Variants in LRRC7 observed in about 807,000 individuals in gnomAD.
LRRC7 encodes leucine rich repeat containing 7.
Under a neutral mutation model 175.7 loss-of-function variants are expected in LRRC7, and 23 were observed. The observed-to-expected ratio is 0.13, with a 90% CI of 0.09 to 0.19. The LOEUF is 0.19. LRRC7 is among the 10% of genes least tolerant of loss of function. LRRC7 has a pLI of 1.00. For missense variants in LRRC7, 1,354 were observed against 1,904.7 expected (o/e 0.71, Z 5.38); for synonymous variants, 685 against 680.9 (o/e 1.01, Z -0.09).
chr1:69,573,393 A>G (rs1426003280), intron 1 of LRRC7, among the ~76,000 whole-genome samples: 1 of 152,210 alleles, frequency 6.6e-6, no homozygotes, highest in Non-Finnish European at 1.5e-5. Flanking sequence ...TGAAAGCTGT[A>G]TATTTGGTGA....
At chr1:69,587,413 A>G (rs116102470) in intron 1 of LRRC7, among the ~76,000 whole-genome samples, 1,619 of 152,062 alleles carry the variant, frequency 0.011, 30 homozygotes, top group African/African-American at 0.035. Context: ...TCTTCCTTCA[A>G]TCTCACCTCT....
chr1:70,023,208 C>T lies in LRRC7; in HGVS notation c.1628C>T (p.Thr543Ile), dbSNP rs747630247. The T allele has an allele frequency of 6.2e-7, 1 of 1,604,644 alleles. No individual in the cohort carries two copies. The highest frequency in any genetic ancestry group is 8.5e-7 in the Non-Finnish European group (1 of 1,174,348). ...GCCAGACTGTCTGGCGATTGCTGCACACCATGGGCCAGGTGTGATCAGCAG... is the reference window on the plus strand; with the variant it reads ...GCCAGACTGTCTGGCGATTGCTGCATACCATGGGCCAGGTGTGATCAGCAG... ...QPARLSGDCC[T>I]PWARCDQQIQ... Residue 543 changes from threonine (T) to isoleucine (I), a missense_variant, in exon 17 of 27, where the codon ACA (threonine) becomes ATA (isoleucine). Physicochemically the swap from Thr to Ile is moderately conservative, Grantham distance 89. Around this residue, in one of 4 missense-constraint regions of LRRC7, gnomAD observed 1,032 missense variants for 1,227.2 expected, o/e 0.84. Coordinates refer to ENST00000651989, the MANE Select transcript of LRRC7 (RefSeq NM_001370785.2).
chr1:70,070,058 A>T (rs1662266698), intron 23 of LRRC7, among the ~76,000 whole-genome samples: 1 of 152,074 alleles, frequency 6.6e-6, no homozygotes, highest in South Asian at 2.1e-4. Context: ...CAGTGATGTG[A>T]TCAGAGCTCA....
At chr1:69,817,935 G>A (rs6697333) in intron 4 of LRRC7, among the ~76,000 whole-genome samples, 57,195 of 151,844 alleles carry the variant, frequency 0.38, 12,606 homozygotes, top group East Asian at 0.54. Context: ...GTGAGTGTAT[G>A]GAAACAAAAT....
chr1:69,600,161 C>T (rs1235423399), intron 1 of LRRC7, among the ~76,000 whole-genome samples: 1 of 152,192 alleles, frequency 6.6e-6, no homozygotes, highest in African/African-American at 2.4e-5. Flanking sequence ...TATAACCCTA[C>T]ACCCAATTTC....
At chr1:70,029,570 A>G (rs10493465) in intron 18 of LRRC7, among the ~76,000 whole-genome samples, 14,003 of 152,204 alleles carry the variant, frequency 0.092, 667 homozygotes, top group South Asian at 0.13. Flanking sequence ...CCTTTCCAAA[A>G]TATTATGCAC....
chr1:69,772,791 A>G (rs571001889), intron 3 of LRRC7, among the ~76,000 whole-genome samples: 28 of 152,228 alleles, frequency 1.8e-4, no homozygotes, highest in Non-Finnish European at 3.8e-4. Flanking sequence ...AAGAGTTGCT[A>G]TTGATAGAGG....
At chr1:69,995,137 G>A (rs1654810261) in intron 11 of LRRC7, among the ~76,000 whole-genome samples, 2 of 152,196 alleles carry the variant, frequency 1.3e-5, no homozygotes, top group East Asian at 3.9e-4. Context: ...AAAACTTCAA[G>A]ATGAAAGTCT....
At chr1:69,750,421 C>A (rs1669736851) in intron 2 of LRRC7, among the ~76,000 whole-genome samples, 2 of 151,980 alleles carry the variant, frequency 1.3e-5, no homozygotes, top group South Asian at 4.2e-4. Flanking sequence ...TAGAATATTG[C>A]CTGTACCCCA....
intron 24 of LRRC7, among the ~76,000 whole-genome samples, chr1:70,087,414 A>G (rs1663695865): frequency 6.6e-6 from 1 of 152,198 alleles, no homozygotes; most frequent in African/African-American, 2.4e-5. Flanking sequence ...AAATAATATA[A>G]TTGGAAATGC....
At chr1:69,954,227 C>G (rs766035314) in intron 8 of LRRC7, among the ~76,000 whole-genome samples, 31 of 151,758 alleles carry the variant, frequency 2.0e-4, no homozygotes, top group Admixed American at 3.9e-4. Flanking sequence ...TTGACATAAT[C>G]AAAGGAAAAG....
At chr1:69,589,862 C>T (rs1356368978) in intron 1 of LRRC7, among the ~76,000 whole-genome samples, 3 of 152,130 alleles carry the variant, frequency 2.0e-5, no homozygotes, top group Non-Finnish European at 4.4e-5. Context: ...CCTATTTCTC[C>T]TAGCTTGATA....
chr1:70,031,728 T>C (rs200833956), intron 18 of LRRC7, among the ~76,000 whole-genome samples: 1 of 152,332 alleles, frequency 6.6e-6, no homozygotes, highest in East Asian at 1.9e-4. Flanking sequence ...ATCATTGATT[T>C]TCAAATGCCA....
At chr1:69,919,755 AC>A in intron 7 of LRRC7, 2 of 974,186 alleles carry the variant, frequency 2.1e-6, no homozygotes, top group South Asian at 1.4e-5. Context: ...CCATTTGAAG[AC>A]CCCTGGTTTG....
chr1:70,083,507 C>T (rs1275744348), intron 24 of LRRC7, among the ~76,000 whole-genome samples: 2 of 152,136 alleles, frequency 1.3e-5, no homozygotes, highest in Non-Finnish European at 2.9e-5. Flanking sequence ...CAAGTCCTAT[C>T]GTCAAATCTC....
intron 25 of LRRC7, among the ~76,000 whole-genome samples, chr1:70,101,242 T>G (rs747896742): frequency 6.6e-6 from 1 of 152,190 alleles, no homozygotes; most frequent in Non-Finnish European, 1.5e-5. Flanking sequence ...CATAGTTATA[T>G]GAAAGCATAA....
rs1341291506 is a variant in LRRC7 at position 70,140,564 on chromosome 1, ACT to A, written c.*18680_*18681del. ...CAAGTCTGTTGGCAGAGAAAGTATGACTCTGCTTTTAGCCTTCTGCACAAGAC... is the reference window on the plus strand; with the variant it reads ...CAAGTCTGTTGGCAGAGAAAGTATGACTGCTTTTAGCCTTCTGCACAAGAC... On this transcript the variant is annotated 3_prime_UTR_variant, in exon 27 of 27. Transcript: ENST00000651989. 3.9e-5 allele frequency: 6 copies of A among 151,996 alleles called. No individual in the cohort carries two copies. Among genetic ancestry groups the A allele is most frequent in the African/African-American group, 1.2e-4 (5 of 41,384 alleles). 9.4% of individuals were successfully genotyped at this position (151,996 alleles called of 1,614,324 possible).
At chr1:69,976,203 C>T (rs1174986604) in intron 8 of LRRC7, among the ~76,000 whole-genome samples, 2 of 152,080 alleles carry the variant, frequency 1.3e-5, no homozygotes, top group East Asian at 3.9e-4. Flanking sequence ...GTAGTATTAA[C>T]TCACATGATC....
Position 69,790,499 on chromosome 1 carries a change from G to A in LRRC7, c.304-1544G>A, listed in dbSNP as rs570349175. 1.6e-4 allele frequency among the ~76,000 whole-genome samples: 24 copies of A among 152,122 alleles called. No individual in the cohort carries two copies. The South Asian group carries it at 3.9e-3, about 25-fold the overall frequency. ...ATTGTGTTTTGAAGATCATTAGCCTGAACATGGCTTGAAATGGTTATATAA... is the reference window on the plus strand; with the variant it reads ...ATTGTGTTTTGAAGATCATTAGCCTAAACATGGCTTGAAATGGTTATATAA... On this transcript the variant is annotated intron_variant, in intron 3 of 26. Coordinates refer to ENST00000651989, the MANE Select transcript of LRRC7 (RefSeq NM_001370785.2).
Sources: allele counts gnomAD v4.1 joint callset (sites outside exome capture counted in the v4.1 genomes callset), GRCh38; gene constraint gnomAD v4.1.1; regional missense constraint gnomAD v4.1.1; transcripts MANE v1.5; gene names NCBI Gene and HGNC (gene_info 2026-07-23, HGNC 2026-07-21).